Variants in TENM1 observed in about 807,000 individuals in gnomAD.
TENM1 encodes teneurin transmembrane protein 1, also known as teneurin-1.
Under a neutral mutation model 174.8 loss-of-function variants are expected in TENM1, and 35 were observed. The observed-to-expected ratio is 0.20, with a 90% confidence interval of 0.15 to 0.27. The LOEUF (loss-of-function observed/expected upper bound fraction) is 0.27, where lower values mean the gene tolerates loss of function less well. TENM1 is among the 10% of genes least tolerant of loss of function. TENM1 has a pLI of 1.00. For synonymous variants in TENM1, 781 were observed against 798.7 expected (o/e 0.98, Z 0.37); for missense variants, 1,633 against 2,130.1 (o/e 0.77, Z 4.59).
chrX:125,194,075 C>T, the TENM1 span, among the ~76,000 whole-genome samples: 12 of 111,395 alleles, frequency 1.1e-4, no homozygotes, highest in Non-Finnish European at 1.7e-4. Flanking sequence ...GGAACCAGTG[C>T]GCCCAGCCAG....
chrX:124,638,197 AG>A (rs770361954), intron 11 of TENM1, among the ~76,000 whole-genome samples: 1 of 111,263 alleles, frequency 9.0e-6, no homozygotes, highest in African/African-American at 3.3e-5. Flanking sequence ...GGCAACATAC[AG>A]GCATGTTCAT....
intron 3 of TENM1, among the ~76,000 whole-genome samples, chrX:124,834,501 G>A (rs895786320): frequency 1.8e-5 from 2 of 111,298 alleles, no homozygotes; most frequent in African/African-American, 6.5e-5. Flanking sequence ...TAAATTATTG[G>A]TAAACAGCTC....
intron 11 of TENM1, among the ~76,000 whole-genome samples, chrX:124,633,338 T>C (rs907171391): frequency 8.9e-6 from 1 of 111,802 alleles, no homozygotes; most frequent in Non-Finnish European, 1.9e-5. Context: ...TAAATATATG[T>C]CTCTGGTTTG....
chrX:124,515,388 A>T (rs1178201571), intron 18 of TENM1, among the ~76,000 whole-genome samples: 1 of 111,792 alleles, frequency 8.9e-6, no homozygotes, highest in Non-Finnish European at 1.9e-5. Flanking sequence ...GCATCCAAAT[A>T]GGAAGACAGG....
At chrX:125,024,721 C>T in the TENM1 span, among the ~76,000 whole-genome samples, 5 of 111,473 alleles carry the variant, frequency 4.5e-5, no homozygotes, top group Non-Finnish European at 9.4e-5. Flanking sequence ...ATCCATGTAA[C>T]AGAACTGTAT....
At chrX:125,023,373 C>T in the TENM1 span, among the ~76,000 whole-genome samples, 287 of 111,362 alleles carry the variant, frequency 2.6e-3, 1 homozygote, top group African/African-American at 9.0e-3. Context: ...CCCAGTCATG[C>T]AGAACTGTAA....
chrX:124,899,647 G>A (rs2057624034), intron 1 of TENM1, among the ~76,000 whole-genome samples: 2 of 111,949 alleles, frequency 1.8e-5, no homozygotes, highest in Admixed American at 9.5e-5. Flanking sequence ...CCAGTAATGG[G>A]ATTGCTGGGT....
At position 124,926,542 on chromosome X, in the gene TENM1, G is replaced by A. The variant is rs150579721; in HGVS notation, c.218-30301C>T. On this transcript the variant is annotated intron_variant, in intron 1 of 31. Transcript: ENST00000422452. Reference sequence around the variant, plus strand: ...TTCCTACTAGAATGTAAGTTTACATGATGGTAAGCAATGTGTCTATTTCTT... The same window carrying A: ...TTCCTACTAGAATGTAAGTTTACATAATGGTAAGCAATGTGTCTATTTCTT... 8.9e-3 allele frequency among the ~76,000 whole-genome samples: 996 copies of A among 111,474 alleles called. 6 individuals carry two copies. The highest frequency in any genetic ancestry group is 0.031 in the African/African-American group (952 of 30,669).
chrX:124,413,010 C>T (rs376849847), intron 25 of TENM1, among the ~76,000 whole-genome samples: 13 of 111,816 alleles, frequency 1.2e-4, no homozygotes, highest in African/African-American at 2.6e-4. Flanking sequence ...AAGAAAGGCA[C>T]GCTGACTGAT....
At chrX:124,595,090 C>T (rs776546406) in intron 11 of TENM1, among the ~76,000 whole-genome samples, 1 of 112,349 alleles carries the variant, frequency 8.9e-6, no homozygotes, top group East Asian at 2.8e-4. Context: ...GAAGCAGCTT[C>T]CTCCCACTCT....
At chrX:124,590,141 A>T (rs772488210) in intron 11 of TENM1, among the ~76,000 whole-genome samples, 5 of 111,920 alleles carry the variant, frequency 4.5e-5, no homozygotes, top group Admixed American at 9.5e-5. Flanking sequence ...AATTTTTTTT[A>T]AATTTCTGCT....
chrX:124,737,347 G>T, intron 3 of TENM1, 150 bp from the exon 7 acceptor site: 2 of 585,199 alleles, frequency 3.4e-6, no homozygotes, highest in Non-Finnish European at 5.1e-6. Flanking sequence ...CTGTAAAAAT[G>T]CCACTTAACT....
At chrX:124,864,414 T>G (rs1484108680) in intron 3 of TENM1, among the ~76,000 whole-genome samples, 2 of 111,717 alleles carry the variant, frequency 1.8e-5, no homozygotes. Flanking sequence ...AATAATTCAA[T>G]AGAGTCAAGC....
intron 3 of TENM1, among the ~76,000 whole-genome samples, chrX:124,773,039 G>A (rs749359868): frequency 1.8e-5 from 2 of 111,728 alleles, no homozygotes; most frequent in African/African-American, 3.3e-5. Context: ...ATAACATTTA[G>A]GGCAATTTCC....
At chrX:124,463,698 C>T (rs184794075) in intron 22 of TENM1, among the ~76,000 whole-genome samples, 1 of 111,400 alleles carries the variant, frequency 9.0e-6, no homozygotes, top group Non-Finnish European at 1.9e-5. Flanking sequence ...TACACAGAAT[C>T]AAATAAATGA....
chrX:124,402,188 G>A (rs2060407988), intron 27 of TENM1, among the ~76,000 whole-genome samples: 1 of 111,827 alleles, frequency 8.9e-6, no homozygotes, highest in Non-Finnish European at 1.9e-5. Context: ...TGACAGCTGT[G>A]GTGATCAAAT....
the TENM1 span, among the ~76,000 whole-genome samples, chrX:125,070,847 C>G: frequency 1.8e-5 from 2 of 111,261 alleles, no homozygotes; most frequent in Admixed American, 1.9e-4. Context: ...TGTTCCTAGT[C>G]ACCTAACAGA....
intron 11 of TENM1, among the ~76,000 whole-genome samples, chrX:124,634,627 T>C (rs2050836403): frequency 8.9e-6 from 1 of 111,905 alleles, no homozygotes; most frequent in Non-Finnish European, 1.9e-5. Flanking sequence ...AAAAACACTG[T>C]GTACACATGA....
chrX:124,411,083 A>G (rs2060526346), intron 25 of TENM1, among the ~76,000 whole-genome samples: 1 of 112,167 alleles, frequency 8.9e-6, no homozygotes, highest in Admixed American at 9.4e-5. Flanking sequence ...CTGTGGCTAA[A>G]TCTGGTTTCC....
Sources: allele counts gnomAD v4.1 joint callset (sites outside exome capture counted in the v4.1 genomes callset), GRCh38; gene constraint gnomAD v4.1.1; transcripts MANE v1.5; gene names NCBI Gene and HGNC (gene_info 2026-07-23, HGNC 2026-07-21).